Variants in FRMPD3 observed in about 807,000 individuals in gnomAD.
FRMPD3 encodes FERM and PDZ domain containing 3, also known as FERM and PDZ domain-containing protein 3.
In FRMPD3, 42 loss-of-function variants were observed where a neutral mutation model predicts 97.9. That is an observed-to-expected ratio of 0.43 (90% CI 0.34 to 0.55). The LOEUF is 0.55. FRMPD3 is among the 20% of genes least tolerant of loss of function. FRMPD3 has a pLI of 0.03. For synonymous variants in FRMPD3, 577 were observed against 581.1 expected, an observed-to-expected ratio of 0.99 and a Z score of 0.10; for missense variants, 1,303 against 1,457.7, an observed-to-expected ratio of 0.89 and a Z score of 1.73.
At position 107,603,457 on chromosome X, in the gene FRMPD3, T is replaced by C; in HGVS notation, c.*84T>C. 2.7e-6 allele frequency: 3 copies of C among 1,102,652 alleles called. No homozygotes were observed. Among genetic ancestry groups the C allele is most frequent in the Non-Finnish European group, 3.6e-6 (3 of 842,792 alleles). 90.9% of individuals were successfully genotyped at this position (1,102,652 alleles called of 1,213,427 possible). A position where few individuals can be genotyped will look rare whatever the true frequency, so the allele number is the denominator to read the frequency against. ...GTCCTTGCATCTTGTGGTGAGTGTG[T>C]GTGTGTCTGCTGGGCCAGTCAGGGT... On this transcript the variant is annotated 3_prime_UTR_variant, in exon 15 of 15. Coordinates refer to ENST00000683843, the MANE Select transcript of FRMPD3 (RefSeq NM_001388459.1).
chrX:107,461,591 G>A (rs745903452), intron 1 of FRMPD3, among the ~76,000 whole-genome samples: 3 of 110,395 alleles, frequency 2.7e-5, no homozygotes, highest in South Asian at 7.8e-4. Flanking sequence ...CCCCATCAGC[G>A]CCAAGTGATC....
chrX:107,517,517 T>C (rs1168787628), intron 1 of FRMPD3, among the ~76,000 whole-genome samples: 2 of 111,185 alleles, frequency 1.8e-5, no homozygotes, highest in Admixed American at 9.5e-5. Context: ...CCCGGCACTT[T>C]GGGAGGCCAA....
In FRMPD3 at chrX:107,450,593, CACACACACAG is replaced by C. The variant is rs1345601818; in HGVS notation, c.-8+590_-8+599del. 7.7e-3 allele frequency among the ~76,000 whole-genome samples: 827 copies of C among 107,419 alleles called. 17 individuals carry two copies. The highest frequency in any genetic ancestry group is 0.027 in the African/African-American group (775 of 28,342). 93.3% of individuals were successfully genotyped at this position (107,419 alleles called of 115,157 possible). ...ACACACACACACACACACACACACA[CACACACACAG>C]AGAGAGAGAGAGAGAGCGCGAGCTA... On this transcript the variant is annotated intron_variant, in intron 1 of 14. Transcript: ENST00000683843.
At chrX:107,481,451 T>C (rs1921370118) in intron 1 of FRMPD3, among the ~76,000 whole-genome samples, 1 of 112,334 alleles carries the variant, frequency 8.9e-6, no homozygotes, top group African/African-American at 3.2e-5. Flanking sequence ...CCTCAGCAGA[T>C]AGGCTTTTGA....
chrX:107,592,946 T>A (rs1030156050), intron 13 of FRMPD3, among the ~76,000 whole-genome samples: 2 of 109,817 alleles, frequency 1.8e-5, no homozygotes, highest in Non-Finnish European at 3.8e-5. Context: ...GCCTGGCTAA[T>A]TTTTGTATTT....
intron 3 of FRMPD3, among the ~76,000 whole-genome samples, chrX:107,531,144 A>ACACC (rs1272364856): frequency 1.8e-5 from 2 of 108,708 alleles, no homozygotes; most frequent in African/African-American, 6.8e-5. Flanking sequence ...ACACACACAC[A>ACACC]CACCATACAC....
chrX:107,486,360 C>T (rs1262255036), intron 1 of FRMPD3, among the ~76,000 whole-genome samples: 1 of 112,771 alleles, frequency 8.9e-6, no homozygotes, highest in African/African-American at 3.2e-5. Flanking sequence ...TTTCTCCATG[C>T]TTTGCCAAGA....
intron 1 of FRMPD3, among the ~76,000 whole-genome samples, chrX:107,477,499 T>G (rs1022650225): frequency 8.9e-6 from 1 of 112,629 alleles, no homozygotes; most frequent in African/African-American, 3.2e-5. Context: ...ACTATGAATT[T>G]TATGCATGAG....
At chrX:107,558,465 A>T (rs2147593487) in intron 8 of FRMPD3, among the ~76,000 whole-genome samples, 1 of 110,852 alleles carries the variant, frequency 9.0e-6, no homozygotes, top group South Asian at 3.9e-4. Context: ...CCATCTCTAT[A>T]CAAAAAGATT....
At position 107,526,701 on chromosome X, in the gene FRMPD3, G is replaced by A; in HGVS notation, c.113G>A (p.Ser38Asn). The stretch of plus-strand genomic sequence containing the variant: ...TATGGCTTTGGCTTCGTGGCTGGCA[G>A]TGAGAGGCCTGTGGTGGTTCGATCT... ...PIYGFGFVAGSERPVVVRSVR... is the reference protein window; with the variant it reads ...PIYGFGFVAGNERPVVVRSVR... The change falls in exon 2 of 15, where the codon AGT becomes AAT. Residue 38 changes from serine (S) to asparagine (N), a missense_variant. By Grantham distance (46) the Ser-to-Asn change is conservative. This residue lies in a region of FRMPD3 where 535 missense variants were observed against 618.6 expected (regional missense o/e 0.86). Transcript: ENST00000683843. The A allele has an allele frequency of 1.7e-6, 2 of 1,206,194 alleles. No homozygotes were observed. The highest frequency in any genetic ancestry group is 2.2e-6 in the Non-Finnish European group (2 of 893,203).
rs149539485 is a variant in FRMPD3 at position 107,545,906 on chromosome X, C to T, written c.402+65C>T. The stretch of plus-strand genomic sequence containing the variant: ...ATAATCTGCCTGGCTGTCAAGCTCT[C>T]GCTCTGGGGCTTCTTATAGTGGACA... On this transcript the variant is annotated intron_variant, in intron 5 of 14. Transcript: ENST00000683843. 1.8e-3 allele frequency: 1,508 copies of T among 860,326 alleles called. 14 individuals carry two copies. The African/African-American group carries it at 0.025, about 14-fold the overall frequency. 70.9% of individuals were successfully genotyped at this position (860,326 alleles called of 1,213,427 possible).
intron 1 of FRMPD3, among the ~76,000 whole-genome samples, chrX:107,515,791 G>A (rs984582449): frequency 1.8e-5 from 2 of 111,547 alleles, no homozygotes; most frequent in Admixed American, 1.9e-4. Flanking sequence ...ATGCCCAAAG[G>A]AGTAAAATCC....
At chrX:107,469,481 C>G (rs887164153) in intron 1 of FRMPD3, among the ~76,000 whole-genome samples, 4 of 112,111 alleles carry the variant, frequency 3.6e-5, no homozygotes, top group African/African-American at 1.3e-4. Context: ...ATGGGAGCTA[C>G]AAGATGAGAT....
In FRMPD3 at chrX:107,603,394, C is replaced by G. The variant is rs1037519113; in HGVS notation, c.*21C>G. ...AGTAGGGCATCTGCCCACACCTGTC[C>G]CCCTTCCCCAACCATGGCCCCAGGT... On this transcript the variant is annotated 3_prime_UTR_variant, in exon 15 of 15. Coordinates refer to ENST00000683843, the MANE Select transcript of FRMPD3 (RefSeq NM_001388459.1). 27 of 1,125,179 alleles carry G rather than the reference C, an allele frequency of 2.4e-5. No homozygotes were observed. The East Asian group carries it at 8.2e-4, about 34-fold the overall frequency. The allele number at this position is 1,125,179 out of a possible 1,213,427, so 92.7% of individuals were successfully genotyped here. A position where few individuals can be genotyped will look rare whatever the true frequency, so the allele number is the denominator to read the frequency against.
In FRMPD3 at chrX:107,601,649, C is replaced by T; in HGVS notation, c.3610C>T (p.Pro1204Ser). ...LNGAHSTSEG[P>S]AKPKSSRGPF... ...TGGAGCCCACTCGACCTCTGAAGGC[C>T]CTGCCAAACCCAAGTCATCCCGAGG... Residue 1204 changes from proline (P) to serine (S), a missense_variant, in exon 15 of 15, where the codon CCT becomes TCT. Pro to Ser is a moderately conservative substitution (Grantham distance 74). Coordinates refer to ENST00000683843, the MANE Select transcript of FRMPD3 (RefSeq NM_001388459.1). 8.3e-7 allele frequency: 1 copy of T among 1,211,146 alleles called. No homozygotes were observed. The highest frequency in any genetic ancestry group is 1.1e-6 in the Non-Finnish European group (1 of 895,479).
At chrX:107,567,527 T>C (rs1427613711) in intron 12 of FRMPD3, among the ~76,000 whole-genome samples, 1 of 112,127 alleles carries the variant, frequency 8.9e-6, no homozygotes, top group Non-Finnish European at 1.9e-5. Context: ...CTTGAAGTGA[T>C]AGGCATGAAT....
chrX:107,547,646 A>G (rs1055774251), intron 5 of FRMPD3, among the ~76,000 whole-genome samples: 1 of 111,191 alleles, frequency 9.0e-6, no homozygotes. Context: ...TGGTGTTACA[A>G]CATCACCCTC....
Position 107,600,349 on chromosome X carries a change from A to G in FRMPD3, c.2310A>G (p.Ser770=). The G allele has an allele frequency of 4.1e-6, 5 of 1,209,984 alleles. No individual in the cohort carries two copies. The highest frequency in any genetic ancestry group is 5.6e-6 in the Non-Finnish European group (5 of 894,872). Residue 770 remains serine, a synonymous_variant, in exon 15 of 15, where the codon TCA becomes TCG. Transcript: ENST00000683843. ...ATITPESSLD[S]GHETNSSELT... is the part of the protein sequence containing the mutation. ...TCACTCCTGAATCATCGCTGGACTC[A>G]GGTCATGAAACCAACTCTTCAGAGC...
At chrX:107,526,778 C>T in intron 2 of FRMPD3, 42 bp downstream of exon 2, 1 of 1,105,089 alleles carries the variant, frequency 9.0e-7, no homozygotes. Context: ...TGACTCCTGT[C>T]TCCCAACACC....
Sources: gnomAD v4.1 joint callset for allele counts (sites outside exome capture counted in the v4.1 genomes callset) on GRCh38, gnomAD v4.1.1 for gene constraint, gnomAD v4.1.1 regional missense constraint, MANE v1.5 for transcripts, NCBI Gene and HGNC (gene_info 2026-07-23, HGNC 2026-07-21) for gene names.